Variants in TACR3 observed in about 807,000 individuals in gnomAD.
The protein encoded by TACR3 is tachykinin receptor 3, also known as neuromedin-K receptor.
TACR3 carries 34 observed loss-of-function variants against 35.0 expected under a neutral mutation model. The observed-to-expected ratio is 0.97, with a 90% CI of 0.74 to 1.30. TACR3 has a LOEUF of 1.30. TACR3 is among the 50% of genes most tolerant of loss of function. The pLI is 0.00. For synonymous variants in TACR3, 233 were observed against 221.1 expected (o/e 1.05, Z -0.48); for missense variants, 558 against 591.7 (o/e 0.94, Z 0.59).
chr4:103,630,868 G>GAC (rs140284723), intron 3 of TACR3, among the ~76,000 whole-genome samples: 2 of 151,982 alleles, frequency 1.3e-5, no homozygotes, highest in African/African-American at 4.8e-5. Context: ...CTACTATAAA[G>GAC]ACACACACAC....
chr4:103,651,842 C>T lies in TACR3; in HGVS notation c.888+4352G>A, dbSNP rs944798542. ...TGTGACTGGGTCCTTCCCTTCAAGG[C>T]AGTGGGTTCCCTTCTAGTCCAGGTT... is the stretch of plus-strand genomic sequence containing the variant. On this transcript the variant is annotated intron_variant, in intron 3 of 4. Transcript: ENST00000304883. Among the ~76,000 whole-genome samples, 20 of 152,024 alleles carry T rather than the reference C, an allele frequency of 1.3e-4. 1 individual carries two copies. The highest frequency in any genetic ancestry group is 3.2e-3 in the Middle Eastern group (1 of 316).
intron 3 of TACR3, among the ~76,000 whole-genome samples, chr4:103,637,914 AAC>A (rs1253424561): frequency 6.6e-6 from 1 of 152,138 alleles, no homozygotes; most frequent in Non-Finnish European, 1.5e-5. Context: ...GAGAACTACA[AAC>A]CACTGCTCAA....
At chr4:103,657,881 G>C (rs1288748107) in intron 2 of TACR3, among the ~76,000 whole-genome samples, 2 of 152,054 alleles carry the variant, frequency 1.3e-5, no homozygotes, top group African/African-American at 4.8e-5. Flanking sequence ...ACACATTTGG[G>C]CTTTGATTTC....
chr4:103,682,272 T>TTAGTC (rs1214360372), intron 1 of TACR3, among the ~76,000 whole-genome samples: 1 of 152,074 alleles, frequency 6.6e-6, no homozygotes, highest in East Asian at 1.9e-4. Flanking sequence ...GCTGGGTGTA[T>TTAGTC]TAGTCTGTTC....
chr4:103,658,537 G>A (rs1462501407), intron 1 of TACR3, 134 bp from the exon 2 acceptor site: 1 of 775,906 alleles, frequency 1.3e-6, no homozygotes. Context: ...GATAAGGACT[G>A]CTTGAGTAGA....
rs543296411 is a variant in TACR3 at position 103,705,971 on chromosome 4, C to T, written c.548+13157G>A. On this transcript the variant is annotated intron_variant, in intron 1 of 4. Transcript: ENST00000304883. ...TCATGTATGTTTTGAAAACATAATT[C>T]TGTGTTGCAATATGAACACATTAGG... Among the ~76,000 whole-genome samples, 19 of 152,176 alleles carry T rather than the reference C, an allele frequency of 1.2e-4. No individual in the cohort carries two copies. In the East Asian group the frequency reaches 3.7e-3, roughly 29 times the overall value.
At chr4:103,685,600 A>T (rs539972093) in intron 1 of TACR3, among the ~76,000 whole-genome samples, 1 of 152,294 alleles carries the variant, frequency 6.6e-6, no homozygotes, top group East Asian at 1.9e-4. Flanking sequence ...ATATTTGCAA[A>T]TCACATACCT....
intron 3 of TACR3, among the ~76,000 whole-genome samples, chr4:103,616,724 G>A (rs1001282588): frequency 6.6e-6 from 1 of 152,092 alleles, no homozygotes; most frequent in Non-Finnish European, 1.5e-5. Flanking sequence ...AGGCAGATAG[G>A]TCTCTTGAGC....
At chr4:103,614,890 T>G (rs1293394798) in intron 3 of TACR3, among the ~76,000 whole-genome samples, 5 of 107,824 alleles carry the variant, frequency 4.6e-5, no homozygotes, top group African/African-American at 1.5e-4. Flanking sequence ...ATGTGTTTTT[T>G]TTTTTTTTTT....
chr4:103,591,336 G>A, intron 4 of TACR3, 151 bp downstream of exon 4: 1 of 849,000 alleles, frequency 1.2e-6, no homozygotes, highest in Non-Finnish European at 1.9e-6. Flanking sequence ...TGGGGGTCTT[G>A]AAAGATAAAG....
intron 3 of TACR3, among the ~76,000 whole-genome samples, chr4:103,647,323 A>G (rs976940861): frequency 3.3e-5 from 5 of 151,952 alleles, no homozygotes; most frequent in Admixed American, 3.3e-4. Context: ...ATCTTTGACT[A>G]TCTACTAATA....
At chr4:103,692,053 G>T (rs928697153) in intron 1 of TACR3, among the ~76,000 whole-genome samples, 2 of 151,998 alleles carry the variant, frequency 1.3e-5, no homozygotes, top group Non-Finnish European at 2.9e-5. Flanking sequence ...AGGAACCTGG[G>T]TTAGGGTCTC....
chr4:103,687,436 A>G (rs1232581682), intron 1 of TACR3, among the ~76,000 whole-genome samples: 2 of 152,210 alleles, frequency 1.3e-5, no homozygotes, highest in Non-Finnish European at 2.9e-5. Flanking sequence ...GTATTCAGTT[A>G]GGAAAAGAGG....
chr4:103,693,873 A>G (rs1431776438), intron 1 of TACR3, among the ~76,000 whole-genome samples: 1 of 152,084 alleles, frequency 6.6e-6, no homozygotes, highest in Non-Finnish European at 1.5e-5. Flanking sequence ...TTTTATTGCT[A>G]CAGTTTATTC....
In TACR3 at chr4:103,719,607, G is replaced by A; in HGVS notation, c.69C>T (p.Asn23=). ...GGGGVGADAV[N]LTASLAAGAA... is the part of the protein sequence containing the mutation. ...CCCCGGCAGCTAGCGAGGCGGTCAG[G>A]TTCACGGCGTCTGCACCCACGCCTC... The change falls in exon 1 of 5, where the codon AAC becomes AAT. Residue 23 remains asparagine, a synonymous_variant. Transcript: ENST00000304883. The A allele has an allele frequency of 1.2e-6, 2 of 1,613,704 alleles. No individual in the cohort carries two copies. Among genetic ancestry groups the A allele is most frequent in the Admixed American group, 1.7e-5 (1 of 59,986 alleles).
chr4:103,715,181 G>C (rs997092830), intron 1 of TACR3, among the ~76,000 whole-genome samples: 3 of 152,136 alleles, frequency 2.0e-5, no homozygotes, highest in African/African-American at 7.2e-5. Context: ...GTTTGGATCT[G>C]TGTCTCCACC....
chr4:103,611,942 T>C (rs1337960354), intron 3 of TACR3, among the ~76,000 whole-genome samples: 1 of 152,218 alleles, frequency 6.6e-6, no homozygotes, highest in African/African-American at 2.4e-5. Context: ...TCTTGTCATC[T>C]CTACTACTAT....
At chr4:103,642,759 T>A (rs1725383386) in intron 3 of TACR3, among the ~76,000 whole-genome samples, 1 of 151,770 alleles carries the variant, frequency 6.6e-6, no homozygotes, top group Non-Finnish European at 1.5e-5. Flanking sequence ...GTAGGGTGAC[T>A]AGGATAAAAT....
chr4:103,591,235 GT>G (rs1723886640), intron 4 of TACR3: 2 of 489,218 alleles, frequency 4.1e-6, no homozygotes, highest in Non-Finnish European at 7.3e-6. Context: ...GGAGGAAGAA[GT>G]TGGCCCATAG....
Sources: allele counts gnomAD v4.1 joint callset (sites outside exome capture counted in the v4.1 genomes callset), GRCh38; gene constraint gnomAD v4.1.1; transcripts MANE v1.5; gene names NCBI Gene and HGNC (gene_info 2026-07-23, HGNC 2026-07-21).